ARHGAP10: variants seen among roughly 807,000 people sequenced by gnomAD.
The protein encoded by ARHGAP10 is rho GTPase-activating protein 10.
In ARHGAP10, 87 loss-of-function variants were observed where a neutral mutation model predicts 108.6. The ratio of observed to expected loss-of-function variants is 0.80; its 90% CI spans 0.67 to 0.96. The LOEUF (loss-of-function observed/expected upper bound fraction) is 0.96. Among genes scored for constraint, ARHGAP10 ranks in the 40% least tolerant of loss-of-function variants. The pLI is 0.00. For missense variants in ARHGAP10, 939 were observed against 954.5 expected (o/e 0.98, Z 0.21); for synonymous variants, 347 against 341.1 (o/e 1.02, Z -0.19).
Position 147,911,994 on chromosome 4 carries a change from CGTGTGTGTGTGTGTGT to C in ARHGAP10, c.1163-1049_1163-1034del, listed in dbSNP as rs36217593. On this transcript the variant is annotated intron_variant, in intron 12 of 22. Transcript: ENST00000336498. ...TTCTCAAGTAATTTAAGAACATTCA[CGTGTGTGTGTGTGTGT>C]GTGTGTGTGTGTGTGTGTGTGTGTG... Among the ~76,000 whole-genome samples the C allele has an allele frequency of 4.5e-3, 616 of 135,440 alleles. 3 individuals are homozygous for C. The highest frequency in any genetic ancestry group is 0.014 in the Middle Eastern group (4 of 278). 88.9% of individuals were successfully genotyped at this position (135,440 alleles called of 152,430 possible). A position where few individuals can be genotyped will look rare whatever the true frequency, so the allele number is the denominator to read the frequency against.
chr4:147,837,650 T>TTTTTG (rs1553955210), intron 3 of ARHGAP10, among the ~76,000 whole-genome samples: 3 of 112,006 alleles, frequency 2.7e-5, no homozygotes, highest in South Asian at 3.6e-4. Flanking sequence ...ACTGTTTTTT[T>TTTTTG]TTTTTTTTTT....
chr4:147,948,696 C>A (rs1345017664), intron 15 of ARHGAP10, among the ~76,000 whole-genome samples: 2 of 152,026 alleles, frequency 1.3e-5, no homozygotes, highest in Non-Finnish European at 2.9e-5. Context: ...GTGGCTCACG[C>A]CTGTAATCTC....
At chr4:148,069,470 G>A (rs1730057631) in intron 22 of ARHGAP10, among the ~76,000 whole-genome samples, 1 of 152,132 alleles carries the variant, frequency 6.6e-6, no homozygotes, top group Non-Finnish European at 1.5e-5. Flanking sequence ...CAGGATTCCC[G>A]GCCTGGCCTT....
chr4:147,928,205 G>A (rs1737537179), intron 13 of ARHGAP10, among the ~76,000 whole-genome samples: 1 of 152,194 alleles, frequency 6.6e-6, no homozygotes, highest in African/African-American at 2.4e-5. Context: ...ATCTTTAGAA[G>A]CCTAAAATTG....
intron 18 of ARHGAP10, among the ~76,000 whole-genome samples, chr4:147,977,605 A>G (rs1344800223): frequency 6.6e-6 from 1 of 152,114 alleles, no homozygotes; most frequent in Non-Finnish European, 1.5e-5. Context: ...AGTAGGCTCT[A>G]AAGTGGAATT....
At chr4:147,830,963 C>G (rs1280733640) in intron 3 of ARHGAP10, among the ~76,000 whole-genome samples, 1 of 152,142 alleles carries the variant, frequency 6.6e-6, no homozygotes, top group Non-Finnish European at 1.5e-5. Context: ...TTTAGTATGC[C>G]CTAGGGCACT....
intron 18 of ARHGAP10, among the ~76,000 whole-genome samples, chr4:147,967,411 G>A (rs1204280295): frequency 6.6e-6 from 1 of 152,172 alleles, no homozygotes; most frequent in East Asian, 1.9e-4. Context: ...GAGAAATTGG[G>A]GAAGGGTAAA....
chr4:147,825,314 G>T (rs1048521537), intron 3 of ARHGAP10, among the ~76,000 whole-genome samples: 1 of 152,096 alleles, frequency 6.6e-6, no homozygotes, highest in Admixed American at 6.5e-5. Context: ...GCTGGGTGTT[G>T]TGGGCACCTG....
chr4:147,971,024 TG>T (rs1739385435), intron 18 of ARHGAP10, among the ~76,000 whole-genome samples: 4 of 134,118 alleles, frequency 3.0e-5, no homozygotes, highest in African/African-American at 5.8e-5. Flanking sequence ...ACCCAGGAGG[TG>T]GAGGTTGCAG....
At chr4:148,042,558 C>T (rs187249295) in intron 19 of ARHGAP10, among the ~76,000 whole-genome samples, 160 of 152,286 alleles carry the variant, frequency 1.1e-3, no homozygotes, top group African/African-American at 3.4e-3. Context: ...AATTTCTTCC[C>T]TTTCCTGTTG....
chr4:147,894,333 T>G (rs1560813930), intron 10 of ARHGAP10, among the ~76,000 whole-genome samples: 1 of 152,234 alleles, frequency 6.6e-6, no homozygotes, highest in Non-Finnish European at 1.5e-5. Context: ...CTTCTTCCTG[T>G]GCTTATTGGC....
chr4:147,953,878 T>A (rs1447349835), intron 15 of ARHGAP10, among the ~76,000 whole-genome samples: 1 of 152,040 alleles, frequency 6.6e-6, no homozygotes, highest in Middle Eastern at 3.2e-3. Flanking sequence ...TCTTCTTTTT[T>A]AATATAGGTG....
chr4:148,003,241 A>T (rs934339937), intron 18 of ARHGAP10, among the ~76,000 whole-genome samples: 5 of 152,138 alleles, frequency 3.3e-5, no homozygotes, highest in Admixed American at 6.5e-5. Context: ...GAGTTTCTTA[A>T]TCCTGAGTTC....
At chr4:147,811,379 A>T (rs987067031) in intron 1 of ARHGAP10, among the ~76,000 whole-genome samples, 1 of 152,106 alleles carries the variant, frequency 6.6e-6, no homozygotes, top group Non-Finnish European at 1.5e-5. Flanking sequence ...CTCCCTAGGG[A>T]GTTTGGTCTA....
chr4:148,070,173 C>T (rs774341567), intron 22 of ARHGAP10, among the ~76,000 whole-genome samples: 9 of 152,118 alleles, frequency 5.9e-5, no homozygotes, highest in East Asian at 1.9e-4. Flanking sequence ...TATATATACA[C>T]GTATGCCTGC....
chr4:147,836,676 C>T (rs1271945886), intron 3 of ARHGAP10, among the ~76,000 whole-genome samples: 1 of 152,132 alleles, frequency 6.6e-6, no homozygotes, highest in African/African-American at 2.4e-5. Flanking sequence ...TAAGCTAGTA[C>T]TTAGCTAATG....
intron 10 of ARHGAP10, among the ~76,000 whole-genome samples, chr4:147,889,668 TC>T (rs1735712434): frequency 3.9e-5 from 1 of 25,758 alleles, no homozygotes; most frequent in Non-Finnish European, 1.7e-3. Context: ...ACATACTTTG[TC>T]TTCTTTACAA....
intron 13 of ARHGAP10, among the ~76,000 whole-genome samples, chr4:147,918,779 T>C (rs1180742091): frequency 6.6e-6 from 1 of 152,202 alleles, no homozygotes; most frequent in Non-Finnish European, 1.5e-5. Context: ...ATATGTCATG[T>C]CTCTCACATG....
intron 15 of ARHGAP10, among the ~76,000 whole-genome samples, chr4:147,948,457 T>G (rs750710719): frequency 9.9e-5 from 15 of 152,174 alleles, no homozygotes; most frequent in Non-Finnish European, 1.8e-4. Context: ...AACTTTTCAC[T>G]TGGTTGATAG....
Sources: gnomAD v4.1 joint callset for allele counts (sites outside exome capture counted in the v4.1 genomes callset) on GRCh38, gnomAD v4.1.1 for gene constraint, MANE v1.5 for transcripts, NCBI Gene and HGNC (gene_info 2026-07-23, HGNC 2026-07-21) for gene names.